Variants in DMRT1 observed in about 807,000 individuals in gnomAD.
DMRT1 encodes doublesex and mab-3 related transcription factor 1.
In DMRT1, 7 loss-of-function variants were observed where a neutral mutation model predicts 32.3. The observed-to-expected ratio is 0.22, with a 90% CI of 0.12 to 0.41. The LOEUF is 0.41. DMRT1 is among the 10% of genes least tolerant of loss of function. The pLI is 1.00. For missense variants in DMRT1, 625 were observed against 500.5 expected (o/e 1.25, Z -2.37); for synonymous variants, 278 against 206.1 (o/e 1.35, Z -2.99).
At chr9:953,411 C>T (rs538029181) in intron 4 of DMRT1, among the ~76,000 whole-genome samples, 2 of 152,312 alleles carry the variant, frequency 1.3e-5, no homozygotes, top group South Asian at 2.1e-4. Flanking sequence ...CTCATTAACT[C>T]GCCATCATTG....
At chr9:885,952 C>T (rs1816911654) in intron 2 of DMRT1, among the ~76,000 whole-genome samples, 1 of 152,210 alleles carries the variant, frequency 6.6e-6, no homozygotes, top group Admixed American at 6.5e-5. Context: ...AGCACATTCT[C>T]TTGAAAACAA....
intron 4 of DMRT1, among the ~76,000 whole-genome samples, chr9:946,586 A>C (rs1034188221): frequency 1.3e-5 from 2 of 152,186 alleles, no homozygotes; most frequent in Middle Eastern, 6.3e-3. Flanking sequence ...AATCCCAATC[A>C]ATCTCCACAT....
chr9:938,117 T>C (rs1333296295), intron 4 of DMRT1, among the ~76,000 whole-genome samples: 2 of 152,130 alleles, frequency 1.3e-5, no homozygotes, highest in Non-Finnish European at 2.9e-5. Context: ...TCCCAGTGAG[T>C]GGTCTTAGCA....
chr9:845,667 C>T (rs10815834), intron 1 of DMRT1, among the ~76,000 whole-genome samples: 62,899 of 151,962 alleles, frequency 0.41, 14,939 homozygotes, highest in Non-Finnish European at 0.54. Context: ...GCCTCTTCTT[C>T]CTTCAGGGAC....
At chr9:899,150 A>C (rs1817479498) in intron 3 of DMRT1, among the ~76,000 whole-genome samples, 2 of 152,172 alleles carry the variant, frequency 1.3e-5, no homozygotes. Context: ...AGAATCAAGA[A>C]AGATTCAAAT....
At chr9:847,806 C>T (rs2181402) in intron 2 of DMRT1, among the ~76,000 whole-genome samples, 1 of 152,108 alleles carries the variant, frequency 6.6e-6, no homozygotes, top group African/African-American at 2.4e-5. Flanking sequence ...TGTCCGATAT[C>T]GAAGCCCCTA....
chr9:868,773 G>T (rs1169063543), intron 2 of DMRT1, among the ~76,000 whole-genome samples: 1 of 152,216 alleles, frequency 6.6e-6, no homozygotes, highest in Non-Finnish European at 1.5e-5. Flanking sequence ...ACTTTGGAAG[G>T]CCAAGGCAGG....
chr9:932,266 A>T (rs1818750018), intron 4 of DMRT1, among the ~76,000 whole-genome samples: 1 of 152,200 alleles, frequency 6.6e-6, no homozygotes, highest in Non-Finnish European at 1.5e-5. Context: ...TAAACAGTTT[A>T]ACTCTGATGT....
At chr9:850,745 C>A (rs571472233) in intron 2 of DMRT1, among the ~76,000 whole-genome samples, 3 of 151,032 alleles carry the variant, frequency 2.0e-5, no homozygotes, top group Admixed American at 1.3e-4. Flanking sequence ...AGATGTGAGG[C>A]CAGCCAGGCG....
intron 1 of DMRT1, among the ~76,000 whole-genome samples, chr9:845,293 T>A (rs1420961272): frequency 6.6e-6 from 1 of 152,088 alleles, no homozygotes; most frequent in Non-Finnish European, 1.5e-5. Context: ...CACTGCAACC[T>A]CCACCTCCTG....
chr9:968,187 C>A lies in DMRT1; in HGVS notation c.*48C>A. The A allele has an allele frequency of 6.2e-7, 1 of 1,608,412 alleles. No individual in the cohort carries two copies. Among genetic ancestry groups the A allele is most frequent in the Non-Finnish European group, 8.5e-7 (1 of 1,177,100 alleles). On this transcript the variant is annotated 3_prime_UTR_variant, in exon 5 of 5. Transcript: ENST00000382276. ...GTTCACTTGGAGTAACAGGCTTATT[C>A]CACTTTCCATGGGGTTTGTTAATAT... is the stretch of plus-strand genomic sequence containing the variant.
At chr9:924,043 T>G (rs1230697182) in intron 4 of DMRT1, among the ~76,000 whole-genome samples, 2 of 150,616 alleles carry the variant, frequency 1.3e-5, no homozygotes, top group Non-Finnish European at 2.9e-5. Flanking sequence ...TCCCCAGCTC[T>G]GGAGCCAGTA....
intron 3 of DMRT1, among the ~76,000 whole-genome samples, chr9:912,979 T>C (rs1465067648): frequency 6.6e-6 from 1 of 152,198 alleles, no homozygotes; most frequent in Admixed American, 6.5e-5. Flanking sequence ...AACACAGCCA[T>C]GCCCATTCAT....
chr9:962,348 G>A (rs1819800790), intron 4 of DMRT1, among the ~76,000 whole-genome samples: 1 of 152,112 alleles, frequency 6.6e-6, no homozygotes, highest in Admixed American at 6.5e-5. Context: ...GGCAAGAAGG[G>A]TTTTTTGGAA....
intron 2 of DMRT1, among the ~76,000 whole-genome samples, chr9:884,178 A>G (rs1586562986): frequency 6.6e-6 from 1 of 152,182 alleles, no homozygotes; most frequent in South Asian, 2.1e-4. Flanking sequence ...CAACTTTGGG[A>G]ATCATGACAC....
intron 2 of DMRT1, among the ~76,000 whole-genome samples, chr9:871,715 T>C (rs12342336): frequency 0.28 from 39,608 of 142,018 alleles, 5,818 homozygotes; most frequent in East Asian, 0.47. Flanking sequence ...ACCTCGTGAT[T>C]CGCCCGCCTC....
At chr9:933,614 G>A (rs369183731) in intron 4 of DMRT1, among the ~76,000 whole-genome samples, 5 of 152,250 alleles carry the variant, frequency 3.3e-5, no homozygotes, top group African/African-American at 9.6e-5. Flanking sequence ...TTGTAGACCT[G>A]CACCATCCAG....
At chr9:902,195 C>T (rs1298923007) in intron 3 of DMRT1, among the ~76,000 whole-genome samples, 1 of 151,918 alleles carries the variant, frequency 6.6e-6, no homozygotes, top group East Asian at 1.9e-4. Flanking sequence ...CAGGCGTGAG[C>T]CACCGCGCCA....
chr9:876,528 CTT>C (rs112659992), intron 2 of DMRT1, among the ~76,000 whole-genome samples: 1 of 145,702 alleles, frequency 6.9e-6, no homozygotes, highest in African/African-American at 2.5e-5. Context: ...CGTCAATAGG[CTT>C]TTTTTTTTTT....
Sources: allele counts gnomAD v4.1 joint callset (sites outside exome capture counted in the v4.1 genomes callset), GRCh38; gene constraint gnomAD v4.1.1; transcripts MANE v1.5; gene names NCBI Gene and HGNC (gene_info 2026-07-23, HGNC 2026-07-21).